IGSF6: variants seen among roughly 807,000 people sequenced by gnomAD.
IGSF6 encodes down-regulated by activation (immunoglobulin superfamily).
Under a neutral mutation model 24.7 loss-of-function variants are expected in IGSF6, and 23 were observed. That is an observed-to-expected ratio of 0.93 (90% CI 0.67 to 1.32). The LOEUF (loss-of-function observed/expected upper bound fraction) is 1.32, where lower values mean the gene tolerates loss of function less well. Among genes scored for constraint, IGSF6 ranks in the 40% most tolerant of loss-of-function variants. The probability of loss-of-function intolerance (pLI) is 0.00; values close to 1 mark genes in which losing one functional copy is unlikely to be tolerated. For missense variants in IGSF6, 295 were observed against 293.6 expected (o/e 1.00, Z -0.04); for synonymous variants, 110 against 113.7 (o/e 0.97, Z 0.21).
chr16:21,642,538 A>G (rs1966299719), intron 5 of IGSF6: 2 of 152,308 alleles, frequency 1.3e-5, no homozygotes, highest in Non-Finnish European at 2.9e-5. Flanking sequence ...ACCTGTTTAT[A>G]TAAGACTTTA....
At position 21,640,929 on chromosome 16, in the gene IGSF6, G is replaced by T. The variant is rs560080016; in HGVS notation, c.*605C>A. On this transcript the variant is annotated 3_prime_UTR_variant, in exon 6 of 6. Coordinates refer to ENST00000268389, the MANE Select transcript of IGSF6 (RefSeq NM_005849.4). ...TGAAGTTACCTCTGTTTAACCTTCAGCTTTGGATTTTCTGTATTTTGGCTT... is the reference window on the plus strand; with the variant it reads ...TGAAGTTACCTCTGTTTAACCTTCATCTTTGGATTTTCTGTATTTTGGCTT... 2.0e-5 allele frequency: 3 copies of T among 152,212 alleles called. No individual in the cohort carries two copies. Among genetic ancestry groups the T allele is most frequent in the Admixed American group, 6.5e-5 (1 of 15,290 alleles). 9.4% of individuals were successfully genotyped at this position (152,212 alleles called of 1,614,324 possible).
chr16:21,644,350 A>G lies in IGSF6; in HGVS notation c.474T>C (p.Leu158=), dbSNP rs1328128720. 2.5e-6 allele frequency: 4 copies of G among 1,614,102 alleles called. No homozygotes were observed. The highest frequency in any genetic ancestry group is 3.4e-6 in the Non-Finnish European group (4 of 1,179,970). The change falls in exon 3 of 6, where the codon CTT becomes CTC. Residue 158 remains leucine, a synonymous_variant. Coordinates refer to ENST00000268389, the MANE Select transcript of IGSF6 (RefSeq NM_005849.4). ...SKELRSFLTA[L]VSLLSVYVTG... Reference sequence around the variant, plus strand: ...TCACATAGACAGAGAGCAGTGATACAAGAGCTGTCAGGAAGCTCCGCAGTT... The same window carrying G: ...TCACATAGACAGAGAGCAGTGATACGAGAGCTGTCAGGAAGCTCCGCAGTT...
intron 1 of IGSF6, among the ~76,000 whole-genome samples, chr16:21,651,172 G>C (rs1309673804): frequency 6.6e-6 from 1 of 152,132 alleles, no homozygotes. Context: ...GCAGTGAGCC[G>C]AGATCTTGCC....
Position 21,644,275 on chromosome 16 carries a change from G to C in IGSF6, c.534+15C>G, listed in dbSNP as rs906654210. ...AAGGATATAGGGACATTCCATGCAA[G>C]AGGATTTGACTTACTTTGGAGAGGA... On this transcript the variant is annotated intron_variant, in intron 3 of 5. Coordinates refer to ENST00000268389, the MANE Select transcript of IGSF6 (RefSeq NM_005849.4). The C allele has an allele frequency of 4.6e-6, 7 of 1,533,086 alleles. No homozygotes were observed. The African/African-American group carries it at 8.2e-5, about 18-fold the overall frequency. The allele number at this position is 1,533,086 out of a possible 1,614,324, so 95.0% of individuals were successfully genotyped here.
At position 21,647,273 on chromosome 16, in the gene IGSF6, AG is replaced by A. The variant is rs1486123051; in HGVS notation, c.286del (p.Leu96SerfsTer10). ...AGTGAGGGAAACTTGGTTTTCTTTG[AG>A]GGCCTCCCTCACTGTGAACTTGTCT... is the stretch of plus-strand genomic sequence containing the variant. ...EADKFTVREALKENQVSLTVN... is the reference protein window; with the variant it reads ...EADKFTVREAXKENQVSLTVN... On this transcript the variant is annotated frameshift_variant, in exon 2 of 6. Coordinates refer to ENST00000268389, the MANE Select transcript of IGSF6 (RefSeq NM_005849.4). LOFTEE classifies it high-confidence loss of function. 1.2e-6 allele frequency: 2 copies of A among 1,614,124 alleles called. No individual in the cohort carries two copies. Among genetic ancestry groups the A allele is most frequent in the Admixed American group, 3.3e-5 (2 of 60,018 alleles).
chr16:21,647,618 G>C (rs1966465406), intron 1 of IGSF6, 126 bp from the exon 2 acceptor site: 3 of 1,247,684 alleles, frequency 2.4e-6, no homozygotes, highest in Non-Finnish European at 3.3e-6. Flanking sequence ...ATATAAATAA[G>C]ACTAAAAATA....
chr16:21,647,166 G>A lies in IGSF6; in HGVS notation c.394C>T (p.Gln132Ter). Reference sequence around the variant, plus strand: ...ACCAGTGTGGTCCCTCCTCCTGTCTGTTTAGCTCTCGCTTCCGGCACACTG... The same window carrying A: ...ACCAGTGTGGTCCCTCCTCCTGTCTATTTAGCTCTCGCTTCCGGCACACTG... ...FPSVPEARAK[Q>*]TGGGTTLVVR... Residue 132 changes from glutamine to a stop codon, truncating the protein, a stop_gained, in exon 2 of 6, where the codon CAG (glutamine) becomes TAG (stop). Coordinates refer to ENST00000268389, the MANE Select transcript of IGSF6 (RefSeq NM_005849.4). LOFTEE classifies it high-confidence loss of function. The A allele has an allele frequency of 1.2e-6, 2 of 1,614,134 alleles. No individual in the cohort carries two copies. Among genetic ancestry groups the A allele is most frequent in the South Asian group, 1.1e-5 (1 of 91,090 alleles).
intron 1 of IGSF6, among the ~76,000 whole-genome samples, chr16:21,649,007 T>G (rs1275115823): frequency 6.6e-6 from 1 of 152,140 alleles, no homozygotes; most frequent in East Asian, 1.9e-4. Flanking sequence ...TTTTTGTTAT[T>G]GTTTTTGGAC....
Position 21,641,527 on chromosome 16 carries a change from A to G in IGSF6, c.*7T>C, listed in dbSNP as rs2141609988. 6.4e-7 allele frequency: 1 copy of G among 1,562,090 alleles called. No homozygotes were observed. Among genetic ancestry groups the G allele is most frequent in the Non-Finnish European group, 8.8e-7 (1 of 1,139,266 alleles). On this transcript the variant is annotated 3_prime_UTR_variant, in exon 6 of 6. Transcript: ENST00000268389. ...TTTCAGTGACTTCATTGAAAATTAA[A>G]ACGTTTCTATGGCCTTTCATAGTTG...
In IGSF6 at chr16:21,640,529, T is replaced by G. The variant is rs781241411; in HGVS notation, c.*1005A>C. 1 of 147,302 alleles carries G rather than the reference T, an allele frequency of 6.8e-6. No individual in the cohort carries two copies. Among genetic ancestry groups the G allele is most frequent in the Non-Finnish European group, 1.5e-5 (1 of 67,404 alleles). The allele number at this position is 147,302 out of a possible 1,614,324, so 9.1% of individuals were successfully genotyped here. A position where few individuals can be genotyped will look rare whatever the true frequency, so the allele number is the denominator to read the frequency against. ...ACTTTGGGAGGCCATTTCAGGCAGA[T>G]CATCTGAGGTCTTGAGTTTGAGACC... On this transcript the variant is annotated 3_prime_UTR_variant, in exon 6 of 6. Coordinates refer to ENST00000268389, the MANE Select transcript of IGSF6 (RefSeq NM_005849.4).
rs765106884 is a variant in IGSF6, at chr16:21,644,338, G to A, written c.486C>T (p.Leu162=). The A allele has an allele frequency of 1.2e-6, 2 of 1,614,040 alleles. No individual in the cohort carries two copies. The highest frequency in any genetic ancestry group is 1.7e-5 in the Admixed American group (1 of 60,032). ...CGCACACACCGGTCACATAGACAGAGAGCAGTGATACAAGAGCTGTCAGGA... is the reference window on the plus strand; with the variant it reads ...CGCACACACCGGTCACATAGACAGAAAGCAGTGATACAAGAGCTGTCAGGA... ...RSFLTALVSL[L]SVYVTGVCVA... is the part of the protein sequence containing the mutation. The change falls in exon 3 of 6, where the codon CTC becomes CTT. Residue 162 remains leucine, a synonymous_variant. Coordinates refer to ENST00000268389, the MANE Select transcript of IGSF6 (RefSeq NM_005849.4).
intron 2 of IGSF6, chr16:21,646,919 G>T: frequency 1.7e-6 from 1 of 585,220 alleles, no homozygotes; most frequent in Non-Finnish European, 3.1e-6. Flanking sequence ...GCCTCAAAGT[G>T]CTGGGATTAC....
At chr16:21,641,871 C>T (rs113338685) in intron 5 of IGSF6, among the ~76,000 whole-genome samples, 3,950 of 152,178 alleles carry the variant, frequency 0.026, 76 homozygotes, top group Middle Eastern at 0.068. Context: ...CCACATACCT[C>T]GGCCTTGTTG....
chr16:21,641,541 C>T lies in IGSF6; in HGVS notation c.719G>A (p.Arg240Lys), dbSNP rs1463341033. Residue 240 changes from arginine (R) to lysine (K), a missense_variant, in exon 6 of 6, where the codon AGG (arginine) becomes AAG (lysine). Coordinates refer to ENST00000268389, the MANE Select transcript of IGSF6 (RefSeq NM_005849.4). ...TTGAAAATTAAAACGTTTCTATGGC[C>T]TTTCATAGTTGGAAAGTACTCTTCT... ...ENRRVLSNYERP is the reference protein window; with the variant it reads ...ENRRVLSNYEKP The T allele has an allele frequency of 1.9e-6, 3 of 1,581,942 alleles. No individual in the cohort carries two copies. Among genetic ancestry groups the T allele is most frequent in the African/African-American group, 2.7e-5 (2 of 73,710 alleles).
intron 1 of IGSF6, among the ~76,000 whole-genome samples, chr16:21,647,874 C>A (rs182661633): frequency 6.6e-6 from 1 of 152,108 alleles, no homozygotes; most frequent in African/African-American, 2.4e-5. Flanking sequence ...CTTTCTTGTC[C>A]GCACCCTGGC....
intron 2 of IGSF6, 150 bp downstream of exon 2, chr16:21,646,983 A>ATGG: frequency 9.5e-7 from 1 of 1,048,394 alleles, no homozygotes; most frequent in Non-Finnish European, 1.5e-6. Context: ...TCCAAACCTC[A>ATGG]TGGTGACTTG....
Position 21,643,118 on chromosome 16 carries a change from G to T in IGSF6, c.622C>A (p.Gln208Lys). The T allele has an allele frequency of 6.2e-7, 1 of 1,608,540 alleles. No homozygotes were observed. The highest frequency in any genetic ancestry group is 8.5e-7 in the Non-Finnish European group (1 of 1,177,886). ...SARRIFQEIA[Q>K]ELYHKRHVET... The stretch of plus-strand genomic sequence containing the variant: ...ACATGTCTCTTATGGTATAGTTCTT[G>T]AGCAATTTCCTGAAAAATACGCCGA... The change falls in exon 5 of 6, where the codon CAA becomes AAA. Residue 208 changes from glutamine to lysine, a missense_variant. Physicochemically the swap from Gln to Lys is moderately conservative, Grantham distance 53 (BLOSUM62 1). Transcript: ENST00000268389.
chr16:21,644,199 AG>A, intron 3 of IGSF6, 90 bp downstream of exon 3: 1 of 886,408 alleles, frequency 1.1e-6, no homozygotes, highest in African/African-American at 1.7e-5. Context: ...GCTCTTGCTG[AG>A]GCCCATAACT....
At chr16:21,645,792 A>C (rs1218813030) in intron 2 of IGSF6, among the ~76,000 whole-genome samples, 1 of 152,236 alleles carries the variant, frequency 6.6e-6, no homozygotes, top group Non-Finnish European at 1.5e-5. Flanking sequence ...GTGTGTTTTC[A>C]TATCAGTAGC....
Sources: allele counts gnomAD v4.1 joint callset (sites outside exome capture counted in the v4.1 genomes callset), GRCh38; gene constraint gnomAD v4.1.1; transcripts MANE v1.5; gene names NCBI Gene and HGNC (gene_info 2026-07-23, HGNC 2026-07-21).